Variants in MDN1 observed in about 807,000 individuals in gnomAD.
MDN1 encodes midasin.
A neutral mutation model predicts 669.2 loss-of-function variants in MDN1; 266 were observed. The ratio of observed to expected loss-of-function variants is 0.40; its 90% confidence interval spans 0.36 to 0.44. The LOEUF is 0.44. Among genes scored for constraint, MDN1 ranks in the 20% least tolerant of loss-of-function variants. The pLI, the probability that MDN1 is intolerant of heterozygous loss-of-function variation, is 1.00. For synonymous variants in MDN1, 2,385 were observed against 2,457.1 expected (o/e 0.97, Z 0.87); for missense variants, 5,940 against 6,754.0 (o/e 0.88, Z 4.22).
At chr6:89,731,631 G>C (rs1157276006) in intron 34 of MDN1, among the ~76,000 whole-genome samples, 2 of 152,052 alleles carry the variant, frequency 1.3e-5, no homozygotes, top group African/African-American at 2.4e-5. Context: ...CAAGGGGAGG[G>C]AGAGCATTAG....
At position 89,745,635 on chromosome 6, in the gene MDN1, A is replaced by C; in HGVS notation, c.3905-9T>G. 1 of 1,612,216 alleles carries C rather than the reference A, an allele frequency of 6.2e-7. No individual in the cohort carries two copies. The highest frequency in any genetic ancestry group is 8.5e-7 in the Non-Finnish European group (1 of 1,179,172). On this transcript the variant is annotated splice_polypyrimidine_tract_variant and intron_variant, in intron 27 of 101. Transcript: ENST00000369393. ...TGCCAGAAGCATATAACCTGGGAGG[A>C]GGAGGAGGAAAAGGAGGAGAGGAAT...
rs1810913071 is a variant in MDN1, at chr6:89,672,852, C to A, written c.13475-150G>T. 15 of 783,512 alleles carry A rather than the reference C, an allele frequency of 1.9e-5. No individual in the cohort carries two copies. In the South Asian group the frequency reaches 3.0e-4, roughly 16 times the overall value. The allele number at this position is 783,512 out of a possible 1,614,324, so 48.5% of individuals were successfully genotyped here. ...TACAAAGAAGAGACAAATTCCTTGC[C>A]TCGATAAACCTACAAGTTTATTACC... is the stretch of plus-strand genomic sequence containing the variant. On this transcript the variant is annotated intron_variant, in intron 80 of 101. Coordinates refer to ENST00000369393, the MANE Select transcript of MDN1 (RefSeq NM_014611.3).
rs754537619 is a variant in MDN1, at chr6:89,674,360, C to T, written c.12991G>A (p.Gly4331Ser). The T allele has an allele frequency of 2.5e-6, 4 of 1,614,232 alleles. No homozygotes were observed. Among genetic ancestry groups the T allele is most frequent in the Non-Finnish European group, 3.4e-6 (4 of 1,180,038 alleles). Residue 4331 changes from glycine to serine, a missense_variant, in exon 79 of 102, where the codon GGC becomes AGC. Coordinates refer to ENST00000369393, the MANE Select transcript of MDN1 (RefSeq NM_014611.3). ...GNVQVLGQPP[G>S]PCLEGPELSK... Reference sequence around the variant, plus strand: ...AGTTCTGGTCCTTCCAGGCAGGGGCCAGGAGGCTGCCCCAGTACCTGGACA... The same window carrying T: ...AGTTCTGGTCCTTCCAGGCAGGGGCTAGGAGGCTGCCCCAGTACCTGGACA...
chr6:89,761,263 A>G (rs1817531704), intron 17 of MDN1, among the ~76,000 whole-genome samples: 1 of 152,238 alleles, frequency 6.6e-6, no homozygotes. Context: ...CGACCATGCC[A>G]TAAATAATAA....
rs1028907828 is a variant in MDN1 at position 89,785,031 on chromosome 6, T to C, written c.1430A>G (p.Asp477Gly). The change falls in exon 9 of 102, where the codon GAT becomes GGT. Residue 477 changes from aspartate to glycine, a missense_variant. Physicochemically the swap from Asp to Gly is moderately conservative, Grantham distance 94. This residue lies in a region of MDN1 where 1,203 missense variants were observed against 1,268.9 expected (regional missense o/e 0.95). Coordinates refer to ENST00000369393, the MANE Select transcript of MDN1 (RefSeq NM_014611.3). ...YWTKIHLDNLDKRELNEVLQS... is the reference protein window; with the variant it reads ...YWTKIHLDNLGKRELNEVLQS... ...ACGTACCTCATTCAGTTCTCTCTTA[T>C]CCAGGTTATCCAGGTGAATTTTGGT... The C allele has an allele frequency of 4.3e-6, 7 of 1,612,894 alleles. No individual in the cohort carries two copies. The highest frequency in any genetic ancestry group is 5.9e-6 in the Non-Finnish European group (7 of 1,178,844).
Position 89,723,135 on chromosome 6 carries a change from A to G in MDN1, c.5787T>C (p.His1929=), listed in dbSNP as rs1242963699. 1.2e-6 allele frequency: 2 copies of G among 1,613,956 alleles called. No individual in the cohort carries two copies. The highest frequency in any genetic ancestry group is 1.3e-5 in the African/African-American group (1 of 75,026). Residue 1929 remains histidine, a synonymous_variant, in exon 40 of 102, where the codon CAT becomes CAC. Transcript: ENST00000369393. Reference sequence around the variant, plus strand: ...CCCATTTCTTCTCAACAGTCACTTCATGATCAATCTAGAAAGAAAACATCC... The same window carrying G: ...CCCATTTCTTCTCAACAGTCACTTCGTGATCAATCTAGAAAGAAAACATCC... ...KMVAFNNQID[H]EVTVEKKWGQ...
At position 89,672,185 on chromosome 6, in the gene MDN1, AG is replaced by A; in HGVS notation, c.13794+14del. 1 of 1,559,028 alleles carries A rather than the reference AG, an allele frequency of 6.4e-7. No individual in the cohort carries two copies. Among genetic ancestry groups the A allele is most frequent in the Non-Finnish European group, 8.6e-7 (1 of 1,159,856 alleles). The stretch of plus-strand genomic sequence containing the variant: ...ATTCTGAAGAGGAAGAAGTTTGTAA[AG>A]AACAGTTAGTTACCAGGTGCTTTGC... On this transcript the variant is annotated intron_variant, in intron 82 of 101. Coordinates refer to ENST00000369393, the MANE Select transcript of MDN1 (RefSeq NM_014611.3).
At position 89,712,803 on chromosome 6, in the gene MDN1, A is replaced by G; in HGVS notation, c.7219-17T>C. ...CTGTACAAGCTGGTAGGAGACAAAA[A>G]CACAATACAGTGGTACCAACATAAA... On this transcript the variant is annotated splice_polypyrimidine_tract_variant and intron_variant, in intron 47 of 101. Transcript: ENST00000369393. The G allele has an allele frequency of 9.3e-6, 15 of 1,607,522 alleles. No homozygotes were observed. The highest frequency in any genetic ancestry group is 1.3e-5 in the Non-Finnish European group (15 of 1,174,076).
intron 26 of MDN1, among the ~76,000 whole-genome samples, chr6:89,748,593 A>G (rs1200170533): frequency 6.6e-6 from 1 of 152,172 alleles, no homozygotes; most frequent in Non-Finnish European, 1.5e-5. Flanking sequence ...CCATTTAAAA[A>G]CCAAAAACCA....
rs532142769 is a variant in MDN1, at chr6:89,661,571, T to C, written c.14573A>G (p.Tyr4858Cys). Residue 4858 changes from tyrosine to cysteine, a missense_variant, in exon 88 of 102, where the codon TAT becomes TGT. Around this residue, in one of 5 missense-constraint regions of MDN1, gnomAD observed 2,280 missense variants for 2,576.3 expected, o/e 0.88. Coordinates refer to ENST00000369393, the MANE Select transcript of MDN1 (RefSeq NM_014611.3). The part of the protein sequence containing the change: ...KINEQIDERD[Y>C]DENEVDPYHG... ...GTAAGGGTCCACCTCATTTTCATCA[T>C]AGTCCCTCTTTGGGACAATGGAGAC... is the stretch of plus-strand genomic sequence containing the variant. The C allele has an allele frequency of 1.9e-5, 31 of 1,613,872 alleles. No individual in the cohort carries two copies. Among genetic ancestry groups the C allele is most frequent in the East Asian group, 1.8e-4 (8 of 44,872 alleles).
At chr6:89,721,799 C>T (rs1342774442) in intron 40 of MDN1, among the ~76,000 whole-genome samples, 2 of 151,572 alleles carry the variant, frequency 1.3e-5, no homozygotes, top group Non-Finnish European at 2.9e-5. Flanking sequence ...TTTTTGCAAT[C>T]CAAAAAAAGA....
In MDN1 at chr6:89,728,800, CAAAGA is replaced by C. The variant is rs374792789; in HGVS notation, c.5349+126_5349+130del. ...AGAACGAGACTCTGTCTCAAAAAAACAAAGAAAAGAAAAGAAAAGAAAAATTTGAG... is the reference window on the plus strand; with the variant it reads ...AGAACGAGACTCTGTCTCAAAAAAACAAAGAAAAGAAAAGAAAAATTTGAG... On this transcript the variant is annotated intron_variant, in intron 36 of 101. Transcript: ENST00000369393. 332 of 992,524 alleles carry C rather than the reference CAAAGA, an allele frequency of 3.3e-4. 1 individual carries two copies. The highest frequency in any genetic ancestry group is 1.5e-3 in the African/African-American group (90 of 61,292). 61.5% of individuals were successfully genotyped at this position (992,524 alleles called of 1,614,324 possible).
chr6:89,747,095 C>T (rs1816676244), intron 27 of MDN1, among the ~76,000 whole-genome samples: 1 of 152,238 alleles, frequency 6.6e-6, no homozygotes, highest in Admixed American at 6.5e-5. Flanking sequence ...CTGACTCCCA[C>T]ATGTGGCTAC....
At chr6:89,789,007 C>T (rs1039022879) in intron 7 of MDN1, among the ~76,000 whole-genome samples, 10 of 152,024 alleles carry the variant, frequency 6.6e-5, no homozygotes, top group Admixed American at 1.3e-4. Flanking sequence ...GCCTGTAATC[C>T]CAGCTACTCA....
At chr6:89,792,871 T>C (rs892059414) in intron 5 of MDN1, among the ~76,000 whole-genome samples, 13 of 151,836 alleles carry the variant, frequency 8.6e-5, no homozygotes, top group Non-Finnish European at 1.8e-4. Context: ...TACAAAAAAT[T>C]AGCCAGGCAT....
Position 89,718,533 on chromosome 6 carries a change from T to A in MDN1, c.6416A>T (p.Asp2139Val). 1 of 1,614,142 alleles carries A rather than the reference T, an allele frequency of 6.2e-7. No homozygotes were observed. The highest frequency in any genetic ancestry group is 8.5e-7 in the Non-Finnish European group (1 of 1,180,016). ...LRDSLLISAD[D>V]AEVVLRAWSH... is the part of the protein sequence containing the mutation. ...CCAGGCTCGCAGCACTACTTCTGCA[T>A]CATCAGCACTGATAAGGAGGCTATC... is the stretch of plus-strand genomic sequence containing the variant. The change falls in exon 43 of 102, where the codon GAT becomes GTT. Residue 2139 changes from aspartate (D) to valine (V), a missense_variant. Asp to Val is a radical substitution (Grantham distance 152). Transcript: ENST00000369393.
intron 5 of MDN1, among the ~76,000 whole-genome samples, chr6:89,792,997 G>T (rs1361160359): frequency 1.3e-5 from 2 of 152,190 alleles, no homozygotes; most frequent in Non-Finnish European, 2.9e-5. Context: ...TTGCACTACA[G>T]CCTGACCATC....
At chr6:89,815,927 A>G (rs1173265190) in intron 1 of MDN1, among the ~76,000 whole-genome samples, 4 of 152,184 alleles carry the variant, frequency 2.6e-5, no homozygotes, top group Non-Finnish European at 4.4e-5. Context: ...GCTCACAGGT[A>G]CCTATTTATA....
At chr6:89,656,925 T>C (rs1809350253) in intron 90 of MDN1, 124 bp from the exon 91 acceptor site, 1 of 762,212 alleles carries the variant, frequency 1.3e-6, no homozygotes, top group East Asian at 2.7e-5. Context: ...TAATCACTCC[T>C]GCCTACCTGC....
Sources: allele counts gnomAD v4.1 joint callset (sites outside exome capture counted in the v4.1 genomes callset), GRCh38; gene constraint gnomAD v4.1.1; regional missense constraint gnomAD v4.1.1; transcripts MANE v1.5; gene names NCBI Gene and HGNC (gene_info 2026-07-23, HGNC 2026-07-21).